Variants in PHYH observed in about 807,000 individuals in gnomAD.
The protein encoded by PHYH is phytanoyl-CoA 2-hydroxylase.
A neutral mutation model predicts 38.5 loss-of-function variants in PHYH; 32 were observed. The ratio of observed to expected loss-of-function variants is 0.83; its 90% CI spans 0.63 to 1.12. PHYH has a LOEUF of 1.12. PHYH is among the 50% of genes most tolerant of loss of function. The pLI is 0.00. For missense variants in PHYH, 426 were observed against 434.8 expected (o/e 0.98, Z 0.18); for synonymous variants, 166 against 157.9 (o/e 1.05, Z -0.38).
At chr10:13,294,681 T>G (rs1234790612) in intron 3 of PHYH, 85 bp from the exon 4 acceptor site, 2 of 1,190,384 alleles carry the variant, frequency 1.7e-6, no homozygotes, top group Non-Finnish European at 2.5e-6. Context: ...GGTTGCAGAC[T>G]TGAGGGGTGG....
intron 5 of PHYH, among the ~76,000 whole-genome samples, chr10:13,289,821 C>T (rs559962199): frequency 6.6e-6 from 1 of 151,390 alleles, no homozygotes; most frequent in Non-Finnish European, 1.5e-5. Flanking sequence ...CTCCCAGCTA[C>T]TTGGAAGGCT....
rs529954475 is a variant in PHYH at position 13,296,695 on chromosome 10, C to T, written c.135-1089G>A. Among the ~76,000 whole-genome samples the T allele has an allele frequency of 2.0e-5, 3 of 152,092 alleles. No individual in the cohort carries two copies. The South Asian group carries it at 6.2e-4, about 32-fold the overall frequency. ...ATAGTATGGATGGCGGGCACAGTGG[C>T]TCATGCCTGTAATCCTAGCTTTGGG... On this transcript the variant is annotated intron_variant, in intron 2 of 8. Transcript: ENST00000263038.
chr10:13,294,634 G>A, intron 3 of PHYH, 38 bp from the exon 4 acceptor site: 1 of 1,593,040 alleles, frequency 6.3e-7, no homozygotes, highest in Non-Finnish European at 8.6e-7. Context: ...CGTTACCGCT[G>A]GCTCCAAGCA....
intron 6 of PHYH, among the ~76,000 whole-genome samples, chr10:13,285,540 TC>T (rs1247825790): frequency 1.3e-5 from 2 of 151,880 alleles, no homozygotes; most frequent in African/African-American, 4.8e-5. Flanking sequence ...CAACTCATTC[TC>T]CCTGCTTTAA....
At chr10:13,294,953 T>C (rs891839450) in intron 3 of PHYH, 53 of 348,516 alleles carry the variant, frequency 1.5e-4, no homozygotes, top group African/African-American at 1.1e-3. Flanking sequence ...CACTAGGACA[T>C]AAGTGCTATT....
At chr10:13,293,147 A>G (rs1835754688) in intron 4 of PHYH, among the ~76,000 whole-genome samples, 1 of 152,148 alleles carries the variant, frequency 6.6e-6, no homozygotes, top group Non-Finnish European at 1.5e-5. Flanking sequence ...CTTGCTTTTT[A>G]TAAAGCCTGG....
intron 7 of PHYH, among the ~76,000 whole-genome samples, chr10:13,283,425 G>A (rs956318548): frequency 6.6e-5 from 10 of 152,116 alleles, no homozygotes; most frequent in East Asian, 3.9e-4. Context: ...CACCGCGCCC[G>A]GCCCATAATC....
Position 13,299,560 on chromosome 10 carries a change from G to C in PHYH, c.75+408C>G, listed in dbSNP as rs561739810. 7.7e-5 allele frequency: 78 copies of C among 1,017,454 alleles called. No homozygotes were observed. In the African/African-American group the frequency reaches 1.3e-3, roughly 17 times the overall value. The allele number at this position is 1,017,454 out of a possible 1,614,324, so 63.0% of individuals were successfully genotyped here. On this transcript the variant is annotated intron_variant, in intron 1 of 8. Coordinates refer to ENST00000263038, the MANE Select transcript of PHYH (RefSeq NM_006214.4). ...TCCTCTCCCCTCCGGAGAGGTCCCG[G>C]TCACTGCCTGCCTGGGCCGGTTCCA... is the stretch of plus-strand genomic sequence containing the variant.
Position 13,291,621 on chromosome 10 carries a change from A to G in PHYH, c.496+210T>C, listed in dbSNP as rs487041. 327,985 of 553,790 alleles carry G rather than the reference A, an allele frequency of 0.59. 99,029 individuals are homozygous for G. Among genetic ancestry groups the G allele is most frequent in the Admixed American group, 0.69 (22,749 of 32,742 alleles). 34.3% of individuals were successfully genotyped at this position (553,790 alleles called of 1,614,324 possible). A position where few individuals can be genotyped will look rare whatever the true frequency, so the allele number is the denominator to read the frequency against. ...CAGCCTTCCAATAGCAGGGACTACA[A>G]GTGCATACCACCATGCCTGGATATT... On this transcript the variant is annotated intron_variant, in intron 5 of 8. Transcript: ENST00000263038.
chr10:13,288,378 G>A lies in PHYH; in HGVS notation c.660C>T (p.His220=), dbSNP rs774107404. 1.9e-6 allele frequency: 3 copies of A among 1,613,878 alleles called. No homozygotes were observed. Among genetic ancestry groups the A allele is most frequent in the Non-Finnish European group, 2.5e-6 (3 of 1,179,998 alleles). The change falls in exon 6 of 9, where the codon CAC becomes CAT. Residue 220 remains histidine, a synonymous_variant. Transcript: ENST00000263038. ...GACCTACCTCCCACTTGGGGTAATC[G>A]TGGGGCTTCAGGGAGCCCTTGTGTG... ...PGTHKGSLKP[H]DYPKWEGGVN...
At chr10:13,290,585 G>A (rs956393238) in intron 5 of PHYH, among the ~76,000 whole-genome samples, 3 of 152,136 alleles carry the variant, frequency 2.0e-5, no homozygotes, top group African/African-American at 7.2e-5. Flanking sequence ...ATTTCCCAGT[G>A]TAGTCCAAGT....
intron 6 of PHYH, among the ~76,000 whole-genome samples, chr10:13,286,444 G>A (rs571741028): frequency 2.6e-5 from 4 of 152,138 alleles, no homozygotes; most frequent in African/African-American, 9.6e-5. Flanking sequence ...GGCCAGGCGC[G>A]GTGAGCCCAG....
At chr10:13,298,266 A>G (rs1397745656) in intron 1 of PHYH, 21 bp from the exon 2 acceptor site, 17 of 1,509,294 alleles carry the variant, frequency 1.1e-5, no homozygotes, top group Non-Finnish European at 1.5e-5. Flanking sequence ...AATTAAGGCA[A>G]ATAAAGTAAA....
In PHYH at chr10:13,288,363, C is replaced by T. The variant is rs1835606884; in HGVS notation, c.675G>A (p.Trp225Ter). ...CTCAGCCGCCGGGCAGACCTACCTC[C>T]CACTTGGGGTAATCGTGGGGCTTCA... is the stretch of plus-strand genomic sequence containing the variant. Reference protein sequence around the residue: ...GSLKPHDYPKWEGGVNKMFHG... With the variant: ...GSLKPHDYPK The change falls in exon 6 of 9, where the codon TGG (tryptophan) becomes TGA (stop). Residue 225 changes from tryptophan (W) to a stop codon, truncating the protein, a stop_gained. Transcript: ENST00000263038. LOFTEE classifies it high-confidence loss of function. 6.2e-7 allele frequency: 1 copy of T among 1,613,674 alleles called. No individual in the cohort carries two copies. Among genetic ancestry groups the T allele is most frequent in the Admixed American group, 1.7e-5 (1 of 60,028 alleles).
intron 5 of PHYH, among the ~76,000 whole-genome samples, chr10:13,290,950 A>AGCCAG (rs1476977031): frequency 5.9e-5 from 9 of 152,090 alleles, no homozygotes; most frequent in Admixed American, 1.3e-4. Flanking sequence ...TACAAAAATT[A>AGCCAG]GCCAGGCTTG....
At chr10:13,285,029 C>T (rs778961876) in intron 6 of PHYH, among the ~76,000 whole-genome samples, 1 of 152,208 alleles carries the variant, frequency 6.6e-6, no homozygotes, top group Non-Finnish European at 1.5e-5. Flanking sequence ...TGCCTTCTGT[C>T]AGCCAAAGCC....
intron 4 of PHYH, among the ~76,000 whole-genome samples, 158 bp from the exon 5 acceptor site, chr10:13,292,070 C>A (rs1835725820): frequency 6.6e-6 from 1 of 152,172 alleles, no homozygotes; most frequent in South Asian, 2.1e-4. Flanking sequence ...CATGAAAAAC[C>A]CAGCCATTGG....
chr10:13,289,364 T>G (rs1401870675), intron 5 of PHYH, among the ~76,000 whole-genome samples: 1 of 151,566 alleles, frequency 6.6e-6, no homozygotes, highest in African/African-American at 2.4e-5. Context: ...CCCGGCTAAT[T>G]TTTTGTATTT....
chr10:13,291,210 C>G (rs1322011635), intron 5 of PHYH, among the ~76,000 whole-genome samples: 2 of 151,328 alleles, frequency 1.3e-5, no homozygotes, highest in Non-Finnish European at 2.9e-5. Flanking sequence ...ATGCAAGAAT[C>G]CACACTATCA....
Sources: allele counts gnomAD v4.1 joint callset (sites outside exome capture counted in the v4.1 genomes callset), GRCh38; gene constraint gnomAD v4.1.1; transcripts MANE v1.5; gene names NCBI Gene and HGNC (gene_info 2026-07-23, HGNC 2026-07-21).